The following PRKAA2 variants were observed in gnomAD, a reference collection of about 807,000 sequenced individuals.
PRKAA2 encodes protein kinase AMP-activated catalytic subunit alpha 2.
In PRKAA2, 40 loss-of-function variants were observed where a neutral mutation model predicts 56.3. The ratio of observed to expected loss-of-function variants is 0.71; its 90% CI spans 0.55 to 0.92. PRKAA2 has a LOEUF of 0.92. Ranked by LOEUF, PRKAA2 falls within the 40% of genes least tolerant of loss-of-function variation. PRKAA2 has a pLI of 0.00. For synonymous variants in PRKAA2, 214 were observed against 234.2 expected, an observed-to-expected ratio of 0.91 and a Z score of 0.79; for missense variants, 542 against 686.9, an observed-to-expected ratio of 0.79 and a Z score of 2.36.
intron 8 of PRKAA2, among the ~76,000 whole-genome samples, chr1:56,707,039 G>A (rs1285682036): frequency 2.0e-5 from 3 of 152,142 alleles, no homozygotes; most frequent in Admixed American, 1.3e-4. Flanking sequence ...CCTGGGAATC[G>A]TAGAAAATGC....
chr1:56,675,185 T>G (rs1285091940), intron 2 of PRKAA2, among the ~76,000 whole-genome samples: 1 of 152,174 alleles, frequency 6.6e-6, no homozygotes, highest in African/African-American at 2.4e-5. Flanking sequence ...ATGTGTTTCT[T>G]TCAGTCATTT....
At chr1:56,701,410 T>G (rs1407126169) in intron 6 of PRKAA2, among the ~76,000 whole-genome samples, 3 of 151,704 alleles carry the variant, frequency 2.0e-5, no homozygotes, top group African/African-American at 4.8e-5. Context: ...AAAATATATA[T>G]AGAAAAGATC....
At chr1:56,670,844 ACTC>A (rs1644070215) in intron 1 of PRKAA2, among the ~76,000 whole-genome samples, 1 of 152,014 alleles carries the variant, frequency 6.6e-6, no homozygotes, top group Non-Finnish European at 1.5e-5. Flanking sequence ...TTTCTCATCT[ACTC>A]TTTATGAATA....
rs535619616 is a variant in PRKAA2, at chr1:56,660,579, A to T, written c.95-13802A>T. On this transcript the variant is annotated intron_variant, in intron 1 of 8. Coordinates refer to ENST00000371244, the MANE Select transcript of PRKAA2 (RefSeq NM_006252.4). ...TCCCTTCACTGTGACCTCATTTCTC[A>T]AATCTAATGCTAGAGATAATGCTTA... 5.3e-5 allele frequency among the ~76,000 whole-genome samples: 8 copies of T among 152,254 alleles called. No homozygotes were observed. The South Asian group carries it at 1.0e-3, about 20-fold the overall frequency.
At chr1:56,682,272 G>A (rs1354979878) in intron 2 of PRKAA2, among the ~76,000 whole-genome samples, 1 of 152,130 alleles carries the variant, frequency 6.6e-6, no homozygotes, top group South Asian at 2.1e-4. Flanking sequence ...GTAAAGATAA[G>A]TGCTATGAGA....
Position 56,707,995 on chromosome 1 carries a change from C to T in PRKAA2, c.*282C>T. 1 of 409,778 alleles carries T rather than the reference C, an allele frequency of 2.4e-6. No homozygotes were observed. The highest frequency in any genetic ancestry group is 2.6e-5 in the South Asian group (1 of 38,976). The allele number at this position is 409,778 out of a possible 1,614,324, so 25.4% of individuals were successfully genotyped here. A position where few individuals can be genotyped will look rare whatever the true frequency, so the allele number is the denominator to read the frequency against. On this transcript the variant is annotated 3_prime_UTR_variant, in exon 9 of 9. Transcript: ENST00000371244. ...TTTAATTACAATAATGAGTTCACTACAGACGATTAACACACCACACTGGCG... is the reference window on the plus strand; with the variant it reads ...TTTAATTACAATAATGAGTTCACTATAGACGATTAACACACCACACTGGCG...
intron 1 of PRKAA2, among the ~76,000 whole-genome samples, chr1:56,668,718 A>G (rs1011949591): frequency 7.2e-5 from 11 of 152,212 alleles, no homozygotes; most frequent in African/African-American, 2.7e-4. Context: ...ATGAATTACT[A>G]TGGGATGATG....
At chr1:56,686,694 T>C (rs1283335261) in intron 2 of PRKAA2, among the ~76,000 whole-genome samples, 1 of 152,026 alleles carries the variant, frequency 6.6e-6, no homozygotes, top group East Asian at 1.9e-4. Flanking sequence ...CACTTATTAC[T>C]GAGGCAATGG....
In PRKAA2 at chr1:56,707,507, A is replaced by T; in HGVS notation, c.1453A>T (p.Thr485Ser). The change falls in exon 9 of 9, where the codon ACA becomes TCA. Residue 485 changes from threonine to serine, a missense_variant. Transcript: ENST00000371244. ...EVVEQRSGSS[T>S]PQRSCSAAGL... ...AGTGGAGCAGAGATCTGGTTCCTCA[A>T]CACCTCAGCGTTCCTGTTCTGCTGC... is the stretch of plus-strand genomic sequence containing the variant. The T allele has an allele frequency of 1.2e-6, 2 of 1,614,158 alleles. No individual in the cohort carries two copies. Among genetic ancestry groups the T allele is most frequent in the South Asian group, 2.2e-5 (2 of 91,084 alleles).
chr1:56,691,927 T>G (rs1445309427), intron 3 of PRKAA2, among the ~76,000 whole-genome samples: 1 of 152,214 alleles, frequency 6.6e-6, no homozygotes, highest in East Asian at 1.9e-4. Context: ...TTGGTTGGTT[T>G]ATTTTGTCTG....
chr1:56,707,273 A>C (rs894672128), intron 8 of PRKAA2, among the ~76,000 whole-genome samples: 1 of 152,130 alleles, frequency 6.6e-6, no homozygotes, highest in Admixed American at 6.5e-5. Context: ...GACTGTGTGC[A>C]AGTCTTGTGA....
At chr1:56,658,170 C>A (rs1569715046) in intron 1 of PRKAA2, among the ~76,000 whole-genome samples, 1 of 152,200 alleles carries the variant, frequency 6.6e-6, no homozygotes, top group East Asian at 1.9e-4. Flanking sequence ...GAGAAAAAAA[C>A]ACAGATCATG....
At chr1:56,695,370 T>C (rs1644252668) in intron 5 of PRKAA2, among the ~76,000 whole-genome samples, 1 of 151,740 alleles carries the variant, frequency 6.6e-6, no homozygotes, top group African/African-American at 2.4e-5. Flanking sequence ...TTTGTATTTT[T>C]AGTAGAAACA....
chr1:56,653,207 T>C (rs1643915204), intron 1 of PRKAA2, among the ~76,000 whole-genome samples: 1 of 151,106 alleles, frequency 6.6e-6, no homozygotes, highest in Non-Finnish European at 1.5e-5. Context: ...TCAGTTGAAT[T>C]ATTCTCACAA....
At chr1:56,690,208 T>C (rs1352062284) in intron 2 of PRKAA2, among the ~76,000 whole-genome samples, 1 of 151,090 alleles carries the variant, frequency 6.6e-6, no homozygotes, top group Non-Finnish European at 1.5e-5. Flanking sequence ...CTGTTGCCCA[T>C]GCTGGAGTGC....
Position 56,700,688 on chromosome 1 carries a change from C to G in PRKAA2, c.789-3283C>G, listed in dbSNP as rs370488798. Among the ~76,000 whole-genome samples, 14 of 152,188 alleles carry G rather than the reference C, an allele frequency of 9.2e-5. No individual in the cohort carries two copies. In the South Asian group the frequency reaches 2.9e-3, roughly 32 times the overall value. On this transcript the variant is annotated intron_variant, in intron 6 of 8. Coordinates refer to ENST00000371244, the MANE Select transcript of PRKAA2 (RefSeq NM_006252.4). ...GGAGAAGGCTGTTTGCAGGAGTAAG[C>G]TCTGAGTCAGGTCACATAAAAACCA... is the stretch of plus-strand genomic sequence containing the variant.
At chr1:56,683,361 C>T (rs1644169134) in intron 2 of PRKAA2, among the ~76,000 whole-genome samples, 4 of 151,910 alleles carry the variant, frequency 2.6e-5, no homozygotes, top group African/African-American at 9.7e-5. Flanking sequence ...TGAACAAGGT[C>T]CTGATGGCTC....
chr1:56,671,013 C>A (rs1314932542), intron 1 of PRKAA2, among the ~76,000 whole-genome samples: 2 of 152,092 alleles, frequency 1.3e-5, no homozygotes, highest in Non-Finnish European at 2.9e-5. Context: ...ATATGCTCGG[C>A]AAATGTTTTG....
At chr1:56,650,778 C>G (rs553093477) in intron 1 of PRKAA2, among the ~76,000 whole-genome samples, 27 of 152,140 alleles carry the variant, frequency 1.8e-4, no homozygotes, top group Non-Finnish European at 3.5e-4. Context: ...GAAGAAGTTA[C>G]CCTTTCCATT....
Sources: gnomAD v4.1 joint callset for allele counts (sites outside exome capture counted in the v4.1 genomes callset) on GRCh38, gnomAD v4.1.1 for gene constraint, MANE v1.5 for transcripts, NCBI Gene and HGNC (gene_info 2026-07-23, HGNC 2026-07-21) for gene names.